KCNMA1: variants seen among roughly 807,000 people sequenced by gnomAD.
KCNMA1 encodes the protein potassium calcium-activated channel subfamily M alpha 1.
Under a neutral mutation model 140.0 loss-of-function variants are expected in KCNMA1, and 29 were observed. The observed-to-expected ratio is 0.21, with a 90% CI of 0.15 to 0.28. The LOEUF is 0.28. Among genes scored for constraint, KCNMA1 ranks in the 10% least tolerant of loss-of-function variants. The pLI, the probability that KCNMA1 is intolerant of heterozygous loss-of-function variation, is 1.00. For synonymous variants in KCNMA1, 612 were observed against 611.9 expected, an observed-to-expected ratio of 1.00 and a Z score of 0.00; for missense variants, 880 against 1,602.2, an observed-to-expected ratio of 0.55 and a Z score of 7.70.
chr10:77,199,055 T>C (rs1425089807), intron 3 of KCNMA1, among the ~76,000 whole-genome samples: 4 of 152,136 alleles, frequency 2.6e-5, no homozygotes, highest in Non-Finnish European at 4.4e-5. Context: ...TGGGAGTGAA[T>C]GCAGGTAGAA....
chr10:77,520,250 G>GAGGTATGCAGTGTGA (rs2052776419), intron 1 of KCNMA1, among the ~76,000 whole-genome samples: 1 of 135,026 alleles, frequency 7.4e-6, no homozygotes. Context: ...TGTGAGGTCT[G>GAGGTATGCAGTGTGA]GGGTGTGCAG....
chr10:76,940,925 C>T (rs933508636), intron 23 of KCNMA1, among the ~76,000 whole-genome samples: 1 of 148,612 alleles, frequency 6.7e-6, no homozygotes, highest in Non-Finnish European at 1.5e-5. Context: ...CACACCATTG[C>T]ATTCCAGCCT....
intron 25 of KCNMA1, among the ~76,000 whole-genome samples, chr10:76,896,404 C>T (rs1424270374): frequency 6.6e-6 from 1 of 152,116 alleles, no homozygotes; most frequent in Non-Finnish European, 1.5e-5. Context: ...TCTTAAGGTG[C>T]CCAGATTTCA....
intron 1 of KCNMA1, among the ~76,000 whole-genome samples, chr10:77,551,861 T>C (rs2062939266): frequency 6.6e-6 from 1 of 152,098 alleles, no homozygotes; most frequent in Middle Eastern, 3.2e-3. Context: ...CAGGGACCAC[T>C]CTTGGAAGCA....
chr10:77,590,945 C>T (rs2154564763), intron 1 of KCNMA1, among the ~76,000 whole-genome samples: 1 of 152,318 alleles, frequency 6.6e-6, no homozygotes, highest in South Asian at 2.1e-4. Flanking sequence ...CAAGGGTGGC[C>T]ACACACCTCA....
intron 2 of KCNMA1, among the ~76,000 whole-genome samples, chr10:77,330,171 C>G (rs1478512996): frequency 6.6e-6 from 1 of 152,142 alleles, no homozygotes; most frequent in Admixed American, 6.5e-5. Context: ...CCCACCCACC[C>G]ACTGAGTTCA....
chr10:77,011,755 C>G (rs1025350623), intron 18 of KCNMA1, among the ~76,000 whole-genome samples: 2 of 152,138 alleles, frequency 1.3e-5, no homozygotes, highest in African/African-American at 4.8e-5. Flanking sequence ...GGTTTCATTC[C>G]TAGGTGTTGA....
chr10:77,246,690 T>C (rs985566043), intron 3 of KCNMA1, among the ~76,000 whole-genome samples: 1 of 152,244 alleles, frequency 6.6e-6, no homozygotes, highest in Non-Finnish European at 1.5e-5. Context: ...TATTCAGCAT[T>C]ATCACATTTG....
chr10:77,005,109 A>C (rs2087965577), intron 18 of KCNMA1, among the ~76,000 whole-genome samples: 1 of 152,184 alleles, frequency 6.6e-6, no homozygotes, highest in Non-Finnish European at 1.5e-5. Context: ...TGGTAATACA[A>C]AGTAGATCTA....
chr10:77,124,234 A>G (rs2097686833), intron 5 of KCNMA1, among the ~76,000 whole-genome samples: 1 of 152,138 alleles, frequency 6.6e-6, no homozygotes, highest in Admixed American at 6.5e-5. Flanking sequence ...TTCAAACTGG[A>G]TTTCTTCTTT....
At chr10:77,466,928 G>A (rs1295025646) in intron 1 of KCNMA1, among the ~76,000 whole-genome samples, 1 of 98,020 alleles carries the variant, frequency 1.0e-5, no homozygotes. Flanking sequence ...AAAAGGGAGG[G>A]AGGGGGGAAA....
downstream of KCNMA1, chr10:76,873,298 C>A (rs114790340): frequency 6.6e-6 from 1 of 152,094 alleles, no homozygotes; most frequent in Non-Finnish European, 1.5e-5. Flanking sequence ...ACTTAAACAA[C>A]CAATATGACC....
intron 19 of KCNMA1, among the ~76,000 whole-genome samples, chr10:76,984,613 G>T (rs1341122982): frequency 6.6e-6 from 1 of 152,170 alleles, no homozygotes; most frequent in Non-Finnish European, 1.5e-5. Context: ...GAGGTGAATA[G>T]AAGCCTATGG....
chr10:76,953,437 G>A (rs191210196), intron 21 of KCNMA1, among the ~76,000 whole-genome samples: 3 of 152,134 alleles, frequency 2.0e-5, no homozygotes, highest in African/African-American at 4.8e-5. Context: ...TAAGAAAACC[G>A]AAGTGCAAAA....
At chr10:77,425,785 G>A (rs1480900148) in intron 1 of KCNMA1, among the ~76,000 whole-genome samples, 1 of 152,156 alleles carries the variant, frequency 6.6e-6, no homozygotes, top group Non-Finnish European at 1.5e-5. Flanking sequence ...AAATGCATGG[G>A]TCTCTGCTAG....
intron 1 of KCNMA1, among the ~76,000 whole-genome samples, chr10:77,618,228 C>A (rs547966664): frequency 1.3e-4 from 20 of 152,176 alleles, no homozygotes; most frequent in Non-Finnish European, 2.5e-4. Flanking sequence ...TCCACACACA[C>A]CATCAATGGT....
At chr10:77,328,633 T>C (rs1385102630) in intron 2 of KCNMA1, among the ~76,000 whole-genome samples, 1 of 152,224 alleles carries the variant, frequency 6.6e-6, no homozygotes, top group Non-Finnish European at 1.5e-5. Flanking sequence ...CGGGTGGTCA[T>C]GACTTTTCTT....
chr10:77,315,638 C>T (rs990595199), intron 2 of KCNMA1: 2 of 152,198 alleles, frequency 1.3e-5, no homozygotes, highest in African/African-American at 4.8e-5. Context: ...GTTTACACCA[C>T]AGCTGTTCAT....
intron 1 of KCNMA1, among the ~76,000 whole-genome samples, chr10:77,588,401 A>T (rs2077927736): frequency 6.6e-6 from 1 of 152,234 alleles, no homozygotes; most frequent in African/African-American, 2.4e-5. Context: ...TGAGAGATCA[A>T]GACAGACAGG....
Sources: allele counts gnomAD v4.1 joint callset (sites outside exome capture counted in the v4.1 genomes callset), GRCh38; gene constraint gnomAD v4.1.1; transcripts MANE v1.5; gene names NCBI Gene and HGNC (gene_info 2026-07-23, HGNC 2026-07-21).